TSPAN16: variants seen among roughly 807,000 people sequenced by gnomAD.
TSPAN16 encodes the protein tetraspanin-16.
In TSPAN16, 23 loss-of-function variants were observed where a neutral mutation model predicts 25.2. The ratio of observed to expected loss-of-function variants is 0.91; its 90% CI spans 0.66 to 1.29. The LOEUF (loss-of-function observed/expected upper bound fraction) is 1.29, where lower values mean the gene tolerates loss of function less well. Ranked by LOEUF, TSPAN16 falls within the 50% of genes most tolerant of loss-of-function variation. The pLI, the probability that TSPAN16 is intolerant of heterozygous loss-of-function variation, is 0.00. For missense variants in TSPAN16, 272 were observed against 299.9 expected (o/e 0.91, Z 0.69); for synonymous variants, 123 against 124.4 (o/e 0.99, Z 0.08).
At chr19:11,298,072 G>T (rs1217480005) in intron 1 of TSPAN16, 70 bp from the exon 2 acceptor site, 1 of 1,524,020 alleles carries the variant, frequency 6.6e-7, no homozygotes. Flanking sequence ...ATGAGCCACC[G>T]CACTCACCCA....
chr19:11,326,686 C>T (rs2080815165), intron 6 of TSPAN16: 1 of 653,174 alleles, frequency 1.5e-6, no homozygotes, highest in Non-Finnish European at 2.8e-6. Context: ...TCATTGCAGC[C>T]TCAACCTCCT....
At chr19:11,303,251 C>T (rs1424023442) in intron 4 of TSPAN16, among the ~76,000 whole-genome samples, 18 of 141,948 alleles carry the variant, frequency 1.3e-4, no homozygotes, top group African/African-American at 5.2e-4. Context: ...TGATCTGTGA[C>T]CTTACCCCCA....
chr19:11,310,008 C>T (rs551024454), intron 5 of TSPAN16, among the ~76,000 whole-genome samples: 23 of 150,982 alleles, frequency 1.5e-4, no homozygotes, highest in Non-Finnish European at 3.0e-4. Context: ...GGGAGGCTGA[C>T]GCAGGAGGAT....
At chr19:11,301,058 A>G in intron 3 of TSPAN16, 143 bp from the exon 4 acceptor site, 1 of 654,654 alleles carries the variant, frequency 1.5e-6, no homozygotes, top group Non-Finnish European at 2.7e-6. Context: ...TTCCTCTAGC[A>G]CAGACCCCTG....
intron 6 of TSPAN16, among the ~76,000 whole-genome samples, chr19:11,315,141 C>T (rs1178887999): frequency 6.6e-6 from 1 of 151,144 alleles, no homozygotes; most frequent in African/African-American, 2.4e-5. Context: ...GAGGCTGAGG[C>T]AGGAGAATTG....
At chr19:11,320,749 G>T (rs1337295582), downstream of TSPAN16, among the ~76,000 whole-genome samples, 1 of 152,066 alleles carries the variant, frequency 6.6e-6, no homozygotes, top group African/African-American at 2.4e-5. Context: ...TAAATCAGGG[G>T]AGGGGGCAGT....
At chr19:11,317,822 CAAA>C (rs56013789), downstream of TSPAN16, among the ~76,000 whole-genome samples, 1 of 128,974 alleles carries the variant, frequency 7.8e-6, no homozygotes, top group Admixed American at 7.9e-5. Context: ...TACACTGTCT[CAAA>C]AAAAAAAAAA....
At chr19:11,323,938 C>A in intron 6 of TSPAN16, 1 of 152,228 alleles carries the variant, frequency 6.6e-6, no homozygotes, top group Non-Finnish European at 1.5e-5. Flanking sequence ...GCAGAAAGTG[C>A]CTCTAAACCG....
At position 11,302,528 on chromosome 19, in the gene TSPAN16, CAAA is replaced by C. The variant is rs71164181; in HGVS notation, c.450+1241_450+1243del. ...TGGGCAACAGAGTGAGGCTCCATCT[CAAA>C]AAAAAAAAAAAAAAAAAAAAGGGAT... On this transcript the variant is annotated intron_variant, in intron 4 of 6. Transcript: ENST00000590327. Among the ~76,000 whole-genome samples the C allele has an allele frequency of 6.6e-3, 326 of 49,258 alleles. 1 individual carries two copies. The highest frequency in any genetic ancestry group is 0.024 in the African/African-American group (304 of 12,610). The allele number at this position is 49,258 out of a possible 152,430, so 32.3% of individuals were successfully genotyped here. A position where few individuals can be genotyped will look rare whatever the true frequency, so the allele number is the denominator to read the frequency against.
chr19:11,301,107 C>A, intron 3 of TSPAN16, 94 bp from the exon 4 acceptor site: 1 of 1,024,812 alleles, frequency 9.8e-7, no homozygotes, highest in South Asian at 1.3e-5. Flanking sequence ...ACGAGGGACG[C>A]TCCCACCTCC....
intron 6 of TSPAN16, among the ~76,000 whole-genome samples, chr19:11,325,924 A>T (rs1377755584): frequency 1.3e-5 from 2 of 152,000 alleles, no homozygotes; most frequent in South Asian, 2.1e-4. Context: ...AAATTTTTTT[A>T]AAAAGTAGAT....
chr19:11,323,353 G>A (rs933606664), intron 6 of TSPAN16: 2 of 152,174 alleles, frequency 1.3e-5, no homozygotes, highest in South Asian at 4.1e-4. Context: ...CAGCACTTTG[G>A]GAGGCCGAAG....
At chr19:11,299,110 T>C (rs2080514146) in intron 3 of TSPAN16, among the ~76,000 whole-genome samples, 164 bp downstream of exon 3, 1 of 151,772 alleles carries the variant, frequency 6.6e-6, no homozygotes, top group African/African-American at 2.4e-5. Flanking sequence ...TGAAACCCCG[T>C]CTCTACCAAA....
intron 6 of TSPAN16, among the ~76,000 whole-genome samples, chr19:11,315,263 A>AATAATAAT (rs1555705606): frequency 2.0e-4 from 26 of 131,616 alleles, no homozygotes; most frequent in Admixed American, 1.4e-3. Flanking sequence ...TAATAATAAT[A>AATAATAAT]ATAATAATAA....
At chr19:11,298,827 A>T (rs1424823396) in intron 2 of TSPAN16, 45 bp from the exon 3 acceptor site, 2 of 1,571,966 alleles carry the variant, frequency 1.3e-6, no homozygotes, top group African/African-American at 1.4e-5. Flanking sequence ...GGTCGGGAGG[A>T]GGCTGAGCAG....
chr19:11,320,009 G>A (rs1205448178), downstream of TSPAN16, among the ~76,000 whole-genome samples: 9 of 151,690 alleles, frequency 5.9e-5, no homozygotes, highest in Non-Finnish European at 8.8e-5. Context: ...CAGTGGAGAC[G>A]GGGTCTTACC....
At chr19:11,318,066 C>G (rs182553645), downstream of TSPAN16, among the ~76,000 whole-genome samples, 717 of 151,522 alleles carry the variant, frequency 4.7e-3, 9 homozygotes, top group Admixed American at 0.026. Flanking sequence ...TCGCTCTGTC[C>G]CCCAGGCTGG....
rs1555703570 is a variant in TSPAN16 at position 11,302,642 on chromosome 19, C to CATATATATATACACATACATATATAT, written c.450+1350_450+1375dup. On this transcript the variant is annotated intron_variant, in intron 4 of 6. Coordinates refer to ENST00000590327, the MANE Select transcript of TSPAN16 (RefSeq NM_001282509.2). Reference sequence around the variant, plus strand: ...ATATAAATATATATATACACACATACATATATATATACACATACATATATA... The same window carrying CATATATATATACACATACATATATAT: ...ATATAAATATATATATACACACATACATATATATATACACATACATATATATATATATATATACACATACATATATA... 3.4e-4 allele frequency among the ~76,000 whole-genome samples: 45 copies of CATATATATATACACATACATATATAT among 130,538 alleles called. No individual in the cohort carries two copies. In the East Asian group the frequency reaches 6.8e-3, roughly 20 times the overall value. The allele number at this position is 130,538 out of a possible 152,430, so 85.6% of individuals were successfully genotyped here.
intron 5 of TSPAN16, among the ~76,000 whole-genome samples, chr19:11,309,601 A>C (rs1283450189): frequency 6.6e-6 from 1 of 152,136 alleles, no homozygotes; most frequent in Non-Finnish European, 1.5e-5. Flanking sequence ...CCATCTATAA[A>C]AGTATCCCTC....
Sources: allele counts gnomAD v4.1 joint callset (sites outside exome capture counted in the v4.1 genomes callset), GRCh38; gene constraint gnomAD v4.1.1; transcripts MANE v1.5; gene names NCBI Gene and HGNC (gene_info 2026-07-23, HGNC 2026-07-21).